The following ARHGAP15 variants were observed in gnomAD, a reference collection of about 807,000 sequenced individuals.
ARHGAP15 encodes the protein Rho GTPase activating protein 15.
A neutral mutation model predicts 63.7 loss-of-function variants in ARHGAP15; 51 were observed. That is an observed-to-expected ratio of 0.80 (90% CI 0.64 to 1.01). ARHGAP15 has a LOEUF of 1.01. Among genes scored for constraint, ARHGAP15 ranks in the 50% least tolerant of loss-of-function variants. The pLI is 0.00. For synonymous variants in ARHGAP15, 191 were observed against 193.8 expected, an observed-to-expected ratio of 0.99 and a Z score of 0.12; for missense variants, 560 against 564.6, an observed-to-expected ratio of 0.99 and a Z score of 0.08.
At chr2:143,516,976 GTCTCACTC>G in intron 9 of ARHGAP15, among the ~76,000 whole-genome samples, 1 of 125,020 alleles carries the variant, frequency 8.0e-6, no homozygotes, top group Non-Finnish European at 1.7e-5. Flanking sequence ...TTGAGATGGA[GTCTCACTC>G]TGTTGCCAGG....
chr2:143,673,764 A>G (rs1400652177), intron 12 of ARHGAP15, among the ~76,000 whole-genome samples: 26 of 88,532 alleles, frequency 2.9e-4, no homozygotes, highest in East Asian at 1.0e-3. Flanking sequence ...GTGTGTATAT[A>G]TATATATATA....
chr2:143,699,577 A>C (rs1283496086), intron 12 of ARHGAP15, among the ~76,000 whole-genome samples: 1 of 152,232 alleles, frequency 6.6e-6, no homozygotes, highest in Non-Finnish European at 1.5e-5. Context: ...CCTGCTCACC[A>C]ATCAGACCAT....
At chr2:143,158,804 G>A (rs190478895) in intron 2 of ARHGAP15, among the ~76,000 whole-genome samples, 1 of 152,038 alleles carries the variant, frequency 6.6e-6, no homozygotes, top group African/African-American at 2.4e-5. Flanking sequence ...AGACAGCTGA[G>A]GGCCAATAGA....
intron 11 of ARHGAP15, among the ~76,000 whole-genome samples, chr2:143,577,516 A>G (rs942546863): frequency 3.3e-5 from 5 of 152,082 alleles, no homozygotes; most frequent in African/African-American, 1.2e-4. Flanking sequence ...TGAAGCTTAA[A>G]CAGAATCGTA....
intron 9 of ARHGAP15, among the ~76,000 whole-genome samples, chr2:143,493,723 C>A (rs1455945382): frequency 2.0e-5 from 3 of 152,194 alleles, no homozygotes; most frequent in Non-Finnish European, 2.9e-5. Flanking sequence ...CAGCTGATTG[C>A]CCTGTGATCT....
At chr2:143,207,092 T>A (rs1157032837) in intron 3 of ARHGAP15, among the ~76,000 whole-genome samples, 2 of 151,820 alleles carry the variant, frequency 1.3e-5, no homozygotes, top group African/African-American at 4.8e-5. Flanking sequence ...GTATTTTCTA[T>A]GCCACTATAT....
At chr2:143,685,761 C>G (rs1415100906) in intron 12 of ARHGAP15, among the ~76,000 whole-genome samples, 1 of 152,084 alleles carries the variant, frequency 6.6e-6, no homozygotes, top group Non-Finnish European at 1.5e-5. Flanking sequence ...ATAAAGATGG[C>G]CATTTGTTTT....
chr2:143,470,633 G>A (rs1691476116), intron 8 of ARHGAP15, among the ~76,000 whole-genome samples: 1 of 133,206 alleles, frequency 7.5e-6, no homozygotes, highest in African/African-American at 2.6e-5. Flanking sequence ...ATACATATGT[G>A]TGTATATATG....
intron 12 of ARHGAP15, among the ~76,000 whole-genome samples, chr2:143,699,630 T>C (rs1446156402): frequency 2.6e-5 from 4 of 152,184 alleles, no homozygotes; most frequent in African/African-American, 9.7e-5. Flanking sequence ...TGTTGTGTAA[T>C]GTTGGGCTAC....
chr2:143,479,872 C>T (rs563520022), intron 8 of ARHGAP15, among the ~76,000 whole-genome samples: 2,658 of 8,016 alleles, frequency 0.33, 84 homozygotes, highest in African/African-American at 0.36. Context: ...TAACCTGTGA[C>T]GCAAAAAAAA....
chr2:143,428,212 A>G (rs1396912663), intron 6 of ARHGAP15, among the ~76,000 whole-genome samples: 4 of 152,064 alleles, frequency 2.6e-5, no homozygotes, highest in African/African-American at 9.7e-5. Context: ...AGAGGATGTC[A>G]AAGGGGTCTA....
In ARHGAP15 at chr2:143,618,632, G is replaced by GT. The variant is rs1436218245; in HGVS notation, c.1004-5496dup. Among the ~76,000 whole-genome samples the GT allele has an allele frequency of 3.3e-5, 5 of 152,300 alleles. No individual in the cohort carries two copies. The East Asian group carries it at 7.7e-4, about 23-fold the overall frequency. On this transcript the variant is annotated intron_variant, in intron 11 of 13. Transcript: ENST00000295095. ...ACTATTACAAGGTAAAGAAGCACTT[G>GT]TTTTTAACACATGAAGAAGATTTTC...
intron 2 of ARHGAP15, among the ~76,000 whole-genome samples, chr2:143,174,249 C>T (rs1558793674): frequency 6.6e-6 from 1 of 152,074 alleles, no homozygotes; most frequent in Non-Finnish European, 1.5e-5. Context: ...TCATATTGAT[C>T]TTCAACCAGA....
chr2:143,664,442 C>T (rs1204181171), intron 12 of ARHGAP15, among the ~76,000 whole-genome samples: 1 of 151,886 alleles, frequency 6.6e-6, no homozygotes, highest in Non-Finnish European at 1.5e-5. Flanking sequence ...ATTTATAGCA[C>T]TAAATGCCCA....
intron 2 of ARHGAP15, among the ~76,000 whole-genome samples, chr2:143,157,474 T>A (rs751250773): frequency 6.6e-6 from 1 of 151,844 alleles, no homozygotes; most frequent in African/African-American, 2.4e-5. Context: ...ATAAGAGTTT[T>A]CCAAAGTTAA....
At chr2:143,412,981 G>T (rs1303786296) in intron 6 of ARHGAP15, among the ~76,000 whole-genome samples, 1 of 151,598 alleles carries the variant, frequency 6.6e-6, no homozygotes, top group Admixed American at 6.6e-5. Flanking sequence ...TATTTTATTG[G>T]TTATTTCCAA....
chr2:143,657,170 C>A (rs894187976), intron 12 of ARHGAP15, among the ~76,000 whole-genome samples: 3 of 152,086 alleles, frequency 2.0e-5, no homozygotes, highest in African/African-American at 7.2e-5. Flanking sequence ...CACGGTGAAA[C>A]CCCCTCTCTA....
intron 6 of ARHGAP15, among the ~76,000 whole-genome samples, chr2:143,291,582 C>A (rs1449783005): frequency 1.3e-5 from 2 of 151,992 alleles, no homozygotes; most frequent in African/African-American, 2.4e-5. Context: ...TTCAGAGAAC[C>A]CCAACAGCAG....
intron 1 of ARHGAP15, among the ~76,000 whole-genome samples, chr2:143,147,029 A>G (rs985978774): frequency 6.6e-6 from 1 of 152,100 alleles, no homozygotes; most frequent in African/African-American, 2.4e-5. Flanking sequence ...ACTGCAACCA[A>G]TGGGTGATTA....
Sources: gnomAD v4.1 joint callset for allele counts (sites outside exome capture counted in the v4.1 genomes callset) on GRCh38, gnomAD v4.1.1 for gene constraint, MANE v1.5 for transcripts, NCBI Gene and HGNC (gene_info 2026-07-23, HGNC 2026-07-21) for gene names.